TCEA1: variants seen among roughly 807,000 people sequenced by gnomAD.
The protein encoded by TCEA1 is transcription elongation factor A1.
A neutral mutation model predicts 43.8 loss-of-function variants in TCEA1; 21 were observed. That is an observed-to-expected ratio of 0.48 (90% CI 0.34 to 0.69). The LOEUF (loss-of-function observed/expected upper bound fraction) is 0.69, where lower values mean the gene tolerates loss of function less well. Ranked by LOEUF, TCEA1 falls within the 30% of genes least tolerant of loss-of-function variation. The pLI, the probability that TCEA1 is intolerant of heterozygous loss-of-function variation, is 0.01. For missense variants in TCEA1, 250 were observed against 365.1 expected (o/e 0.68, Z 2.57); for synonymous variants, 104 against 117.5 (o/e 0.88, Z 0.75).
intron 4 of TCEA1, among the ~76,000 whole-genome samples, chr8:53,989,382 G>A (rs1256856541): frequency 1.3e-5 from 2 of 152,174 alleles, no homozygotes; most frequent in Non-Finnish European, 2.9e-5. Context: ...TTCAAAGACT[G>A]ATTAAATCAT....
At chr8:53,988,806 G>A (rs942143033) in intron 4 of TCEA1, among the ~76,000 whole-genome samples, 1 of 152,124 alleles carries the variant, frequency 6.6e-6, no homozygotes, top group Non-Finnish European at 1.5e-5. Flanking sequence ...GTGGCTCACA[G>A]CTGTAATCCC....
At chr8:53,978,984 C>G (rs769377427) in intron 8 of TCEA1, 41 bp downstream of exon 8, 1 of 1,560,004 alleles carries the variant, frequency 6.4e-7, no homozygotes, top group East Asian at 2.3e-5. Flanking sequence ...GAGTTGCAAG[C>G]ATTTTTATAT....
chr8:54,020,434 T>C (rs1364559888), intron 1 of TCEA1, among the ~76,000 whole-genome samples: 2 of 152,108 alleles, frequency 1.3e-5, no homozygotes, highest in Non-Finnish European at 2.9e-5. Flanking sequence ...AATTTGCAAA[T>C]ACAGATTAAC....
At position 53,984,397 on chromosome 8, in the gene TCEA1, A is replaced by G. The variant is rs1803618413; in HGVS notation, c.644T>C (p.Ile215Thr). The G allele has an allele frequency of 6.2e-7, 1 of 1,605,016 alleles. No individual in the cohort carries two copies. Among genetic ancestry groups the G allele is most frequent in the Non-Finnish European group, 8.5e-7 (1 of 1,177,112 alleles). The stretch of plus-strand genomic sequence containing the variant: ...CATTCTAGCAAATAAGTCAGGAGGA[A>G]TATTCCCACAGAGGACATTTTTCCT... The part of the protein sequence containing the change: ...NLRKNVLCGN[I>T]PPDLFARMTA... The change falls in exon 7 of 10, where the codon ATT becomes ACT. Residue 215 changes from isoleucine to threonine, a missense_variant. Transcript: ENST00000521604.
intron 2 of TCEA1, among the ~76,000 whole-genome samples, chr8:54,008,059 G>A (rs1332359334): frequency 4.0e-5 from 6 of 150,332 alleles, no homozygotes; most frequent in Non-Finnish European, 8.8e-5. Flanking sequence ...GCAGGCGCCC[G>A]TAATCCCAGC....
intron 4 of TCEA1, among the ~76,000 whole-genome samples, chr8:53,990,999 T>C (rs2129305025): frequency 6.6e-6 from 1 of 152,282 alleles, no homozygotes; most frequent in Admixed American, 6.5e-5. Flanking sequence ...GGATGGGGTG[T>C]AGATAGATAC....
chr8:54,001,805 T>C (rs1024136277), intron 2 of TCEA1, among the ~76,000 whole-genome samples: 16 of 152,062 alleles, frequency 1.1e-4, no homozygotes, highest in Admixed American at 1.0e-3. Context: ...AATATAGTTA[T>C]CTTGTAATAA....
At chr8:53,971,389 T>C (rs1374987722) in intron 8 of TCEA1, 1 of 152,304 alleles carries the variant, frequency 6.6e-6, no homozygotes, top group Non-Finnish European at 1.5e-5. Flanking sequence ...GGCAGGTGGA[T>C]CACTTGAGGT....
chr8:53,985,037 G>A (rs1803645210), intron 6 of TCEA1, among the ~76,000 whole-genome samples: 1 of 152,044 alleles, frequency 6.6e-6, no homozygotes, highest in Non-Finnish European at 1.5e-5. Flanking sequence ...TGTTTGTTTT[G>A]AAGGTGGGTA....
chr8:53,988,711 G>A (rs1433027209), intron 4 of TCEA1, among the ~76,000 whole-genome samples: 3 of 152,026 alleles, frequency 2.0e-5, no homozygotes, highest in Non-Finnish European at 4.4e-5. Context: ...CCACCTCCCA[G>A]GTTCACACCA....
intron 2 of TCEA1, among the ~76,000 whole-genome samples, chr8:54,002,678 T>C (rs1472789543): frequency 6.6e-6 from 1 of 152,180 alleles, no homozygotes; most frequent in African/African-American, 2.4e-5. Context: ...AAAATTGGTA[T>C]GCTAAGACTT....
chr8:54,014,037 T>TGGG (rs1426079887), intron 1 of TCEA1, among the ~76,000 whole-genome samples: 1 of 152,218 alleles, frequency 6.6e-6, no homozygotes, highest in Non-Finnish European at 1.5e-5. Flanking sequence ...AAACCCTTTC[T>TGGG]GACATCAGGG....
chr8:53,987,700 C>G (rs921317261), intron 5 of TCEA1, among the ~76,000 whole-genome samples: 3 of 152,064 alleles, frequency 2.0e-5, no homozygotes, highest in African/African-American at 7.3e-5. Flanking sequence ...CAAGACTCAC[C>G]CTCCCTTTTT....
rs2129300534 is a variant in TCEA1 at position 53,979,009 on chromosome 8, A to G, written c.825+16T>C. On this transcript the variant is annotated intron_variant, in intron 8 of 9. Transcript: ENST00000521604. ...CATTTTTATATAAAAATAAGAATCTATAAACAATCACAAACCTGTGTGTAA... is the reference window on the plus strand; with the variant it reads ...CATTTTTATATAAAAATAAGAATCTGTAAACAATCACAAACCTGTGTGTAA... The G allele has an allele frequency of 1.3e-6, 2 of 1,593,496 alleles. No individual in the cohort carries two copies. Among genetic ancestry groups the G allele is most frequent in the Non-Finnish European group, 8.6e-7 (1 of 1,168,400 alleles).
At chr8:53,987,076 A>G in intron 5 of TCEA1, 51 bp from the exon 6 acceptor site, 1 of 1,426,388 alleles carries the variant, frequency 7.0e-7, no homozygotes, top group South Asian at 1.3e-5. Flanking sequence ...ATTAAAAGAA[A>G]ATTCTAATAC....
chr8:53,991,392 CA>C (rs113196578), intron 4 of TCEA1, among the ~76,000 whole-genome samples: 19 of 130,272 alleles, frequency 1.5e-4, no homozygotes, highest in South Asian at 4.9e-4. Flanking sequence ...GACTCCGTCT[CA>C]AAAAAAAAAA....
At chr8:53,982,283 A>T (rs1185540369) in intron 7 of TCEA1, among the ~76,000 whole-genome samples, 4 of 152,032 alleles carry the variant, frequency 2.6e-5, no homozygotes, top group African/African-American at 9.7e-5. Flanking sequence ...ATCATGGATG[A>T]CTTTGAGGGG....
intron 1 of TCEA1, 44 bp downstream of exon 1, chr8:54,022,019 G>C (rs373375186): frequency 1.1e-5 from 17 of 1,547,908 alleles, no homozygotes; most frequent in Non-Finnish European, 1.4e-5. Context: ...GGGCCGGACC[G>C]CGGCCCGGCC....
chr8:53,990,450 C>A (rs1303693451), intron 4 of TCEA1, among the ~76,000 whole-genome samples: 2 of 151,544 alleles, frequency 1.3e-5, no homozygotes, highest in African/African-American at 4.8e-5. Flanking sequence ...GCAGCCATGA[C>A]CCCCAAACTC....
Sources: allele counts gnomAD v4.1 joint callset (sites outside exome capture counted in the v4.1 genomes callset), GRCh38; gene constraint gnomAD v4.1.1; transcripts MANE v1.5; gene names NCBI Gene and HGNC (gene_info 2026-07-23, HGNC 2026-07-21).